TRAPPC12: variants seen among roughly 807,000 people sequenced by gnomAD.
TRAPPC12 encodes trafficking protein particle complex subunit 12, also known as TPR repeat protein 15.
A neutral mutation model predicts 69.2 loss-of-function variants in TRAPPC12; 61 were observed. That is an observed-to-expected ratio of 0.88 (90% CI 0.72 to 1.09). The LOEUF (loss-of-function observed/expected upper bound fraction) is 1.09, where lower values mean the gene tolerates loss of function less well. Ranked by LOEUF, TRAPPC12 falls within the 50% of genes least tolerant of loss-of-function variation. The pLI is 0.00. For synonymous variants in TRAPPC12, 469 were observed against 438.9 expected (o/e 1.07, Z -0.86); for missense variants, 1,101 against 1,016.4 (o/e 1.08, Z -1.13).
At chr2:3,426,361 C>T (rs1021642229) in intron 5 of TRAPPC12, among the ~76,000 whole-genome samples, 6 of 152,220 alleles carry the variant, frequency 3.9e-5, no homozygotes, top group African/African-American at 1.4e-4. Context: ...CACTCTCGGA[C>T]GTAGGACTCT....
chr2:3,452,391 C>A (rs1046042570), intron 6 of TRAPPC12, among the ~76,000 whole-genome samples: 1 of 152,186 alleles, frequency 6.6e-6, no homozygotes, highest in Non-Finnish European at 1.5e-5. Context: ...CCAGGCCACA[C>A]GCAAGGGATG....
chr2:3,451,990 G>A (rs974135806), intron 6 of TRAPPC12, among the ~76,000 whole-genome samples: 2 of 152,208 alleles, frequency 1.3e-5, no homozygotes, highest in Non-Finnish European at 1.5e-5. Context: ...CTGCAGCTCT[G>A]TGGGCTAAAA....
intron 5 of TRAPPC12, among the ~76,000 whole-genome samples, chr2:3,443,278 C>T (rs530875668): frequency 3.0e-4 from 45 of 152,376 alleles, no homozygotes; most frequent in African/African-American, 1.1e-3. Context: ...AGGCCTGAGA[C>T]GCACCTGTGC....
chr2:3,387,942 AC>A lies in TRAPPC12; in HGVS notation c.323del (p.Pro108ArgfsTer73). 6.7e-7 allele frequency: 1 copy of A among 1,493,902 alleles called. No homozygotes were observed. The allele number at this position is 1,493,902 out of a possible 1,614,324, so 92.5% of individuals were successfully genotyped here. ...EGDPGPEPAG[T>X]PSPSGEADGD... ...CGACCCAGGCCCGGAGCCCGCGGGC[AC>A]CCCGAGTCCCAGCGGCGAGGCCGAC... On this transcript the variant is annotated frameshift_variant, in exon 2 of 12. Transcript: ENST00000324266. LOFTEE classifies it high-confidence loss of function.
chr2:3,418,304 C>G (rs2103046453), intron 3 of TRAPPC12, among the ~76,000 whole-genome samples: 1 of 152,160 alleles, frequency 6.6e-6, no homozygotes, highest in East Asian at 1.9e-4. Flanking sequence ...AATGCAGGCC[C>G]CTGCTTTGTT....
At position 3,387,693 on chromosome 2, in the gene TRAPPC12, C is replaced by T; in HGVS notation, c.70C>T (p.Pro24Ser). 1 of 1,575,264 alleles carries T rather than the reference C, an allele frequency of 6.3e-7. No individual in the cohort carries two copies. The highest frequency in any genetic ancestry group is 8.6e-7 in the Non-Finnish European group (1 of 1,160,888). ...CCCGCACCCCCCTCAGCTCGCGCCT[C>T]CGGAGGAGCAGGGGTTGCTCTTCCA... ...EAPHPPQLAP[P>S]EEQGLLFQEE... is the part of the protein sequence containing the mutation. Residue 24 changes from proline (P) to serine (S), a missense_variant, in exon 2 of 12, where the codon CCG (proline) becomes TCG (serine). Physicochemically the swap from Pro to Ser is moderately conservative, Grantham distance 74. Coordinates refer to ENST00000324266, the MANE Select transcript of TRAPPC12 (RefSeq NM_016030.6).
intron 5 of TRAPPC12, among the ~76,000 whole-genome samples, chr2:3,433,035 G>A (rs1193581962): frequency 6.6e-6 from 1 of 151,646 alleles, no homozygotes; most frequent in Non-Finnish European, 1.5e-5. Flanking sequence ...CACTGTTTTT[G>A]TGTTTGGTTT....
intron 3 of TRAPPC12, among the ~76,000 whole-genome samples, chr2:3,412,242 C>G (rs1203251706): frequency 2.7e-5 from 4 of 147,408 alleles, no homozygotes; most frequent in Non-Finnish European, 6.1e-5. Flanking sequence ...GAAGGTTTCA[C>G]CATGAGCAGG....
chr2:3,477,931 A>G, intron 10 of TRAPPC12, 136 bp downstream of exon 10: 1 of 549,358 alleles, frequency 1.8e-6, no homozygotes, highest in Non-Finnish European at 3.3e-6. Flanking sequence ...CTCAGAGCGG[A>G]GACCCAAGGA....
Position 3,388,200 on chromosome 2 carries a change from G to T in TRAPPC12, c.577G>T (p.Ala193Ser). The change falls in exon 2 of 12, where the codon GCC becomes TCC. Residue 193 changes from alanine to serine, a missense_variant. By Grantham distance (99) the Ala-to-Ser change is moderately conservative. Coordinates refer to ENST00000324266, the MANE Select transcript of TRAPPC12 (RefSeq NM_016030.6). ...PSFGGASEAS[A>S]RTPPQVVQPS... The stretch of plus-strand genomic sequence containing the variant: ...CTTCGGTGGCGCCAGCGAGGCCTCG[G>T]CCAGGACACCGCCCCAGGTCGTGCA... The T allele has an allele frequency of 2.5e-6, 4 of 1,609,332 alleles. No homozygotes were observed. The highest frequency in any genetic ancestry group is 3.3e-5 in the Admixed American group (2 of 59,800).
At chr2:3,418,194 C>CTACAAA (rs1553316175) in intron 3 of TRAPPC12, among the ~76,000 whole-genome samples, 1 of 152,028 alleles carries the variant, frequency 6.6e-6, no homozygotes, top group Non-Finnish European at 1.5e-5. Context: ...AACCATATCT[C>CTACAAA]TACAAATACT....
In TRAPPC12 at chr2:3,415,061, G is replaced by A. The variant is rs573619825; in HGVS notation, c.1165-6820G>A. On this transcript the variant is annotated intron_variant, in intron 3 of 11. Coordinates refer to ENST00000324266, the MANE Select transcript of TRAPPC12 (RefSeq NM_016030.6). Reference sequence around the variant, plus strand: ...TTGGTATCCCAGGAGTCCTGGAACCGGTCCCCGGCAGATAGAGGGTCTGCT... The same window carrying A: ...TTGGTATCCCAGGAGTCCTGGAACCAGTCCCCGGCAGATAGAGGGTCTGCT... Among the ~76,000 whole-genome samples, 43 of 152,258 alleles carry A rather than the reference G, an allele frequency of 2.8e-4. 1 individual carries two copies. In the South Asian group the frequency reaches 8.5e-3, roughly 30 times the overall value.
chr2:3,412,807 T>C (rs1458083147), intron 3 of TRAPPC12, among the ~76,000 whole-genome samples: 1 of 152,180 alleles, frequency 6.6e-6, no homozygotes, highest in Non-Finnish European at 1.5e-5. Flanking sequence ...TGTTCTGTTG[T>C]TTTAGACCTG....
At position 3,388,358 on chromosome 2, in the gene TRAPPC12, C is replaced by T. The variant is rs746808198; in HGVS notation, c.735C>T (p.Pro245=). 2 of 1,593,536 alleles carry T rather than the reference C, an allele frequency of 1.3e-6. No homozygotes were observed. The highest frequency in any genetic ancestry group is 2.3e-5 in the East Asian group (1 of 43,770). The part of the protein sequence containing the change: ...VSNPGAGSPA[P]ASPPPLAVPG... ...ATCCCGGCGCGGGCTCCCCGGCCCCCGCCAGCCCGCCTCCCCTCGCTGTGC... is the reference window on the plus strand; with the variant it reads ...ATCCCGGCGCGGGCTCCCCGGCCCCTGCCAGCCCGCCTCCCCTCGCTGTGC... The change falls in exon 2 of 12, where the codon CCC becomes CCT. Residue 245 remains proline, a synonymous_variant. Coordinates refer to ENST00000324266, the MANE Select transcript of TRAPPC12 (RefSeq NM_016030.6).
At chr2:3,472,035 A>C (rs572128873) in intron 9 of TRAPPC12, among the ~76,000 whole-genome samples, 39 of 152,298 alleles carry the variant, frequency 2.6e-4, no homozygotes, top group African/African-American at 8.9e-4. Flanking sequence ...AGAAAGCCTC[A>C]GCCACTGCAG....
chr2:3,478,700 A>G (rs1474700102), intron 10 of TRAPPC12, 146 bp from the exon 11 acceptor site: 1 of 632,868 alleles, frequency 1.6e-6, no homozygotes, highest in Non-Finnish European at 2.8e-6. Context: ...AACGCAGCTC[A>G]CCGCCTCTAC....
chr2:3,385,728 TTAG>T (rs1660458660), intron 1 of TRAPPC12, among the ~76,000 whole-genome samples: 1 of 152,248 alleles, frequency 6.6e-6, no homozygotes. Flanking sequence ...TCTCTCATCA[TTAG>T]CTTATATCGA....
At chr2:3,433,422 T>C (rs1027766269) in intron 5 of TRAPPC12, among the ~76,000 whole-genome samples, 1 of 152,216 alleles carries the variant, frequency 6.6e-6, no homozygotes, top group African/African-American at 2.4e-5. Context: ...GGCACAGGCG[T>C]CCAGGCATCA....
At chr2:3,444,155 G>A (rs1664382840) in intron 6 of TRAPPC12, among the ~76,000 whole-genome samples, 1 of 152,236 alleles carries the variant, frequency 6.6e-6, no homozygotes, top group South Asian at 2.1e-4. Context: ...GAAAGGCAGA[G>A]ACATCTTTCT....
Sources: allele counts gnomAD v4.1 joint callset (sites outside exome capture counted in the v4.1 genomes callset), GRCh38; gene constraint gnomAD v4.1.1; transcripts MANE v1.5; gene names NCBI Gene and HGNC (gene_info 2026-07-23, HGNC 2026-07-21).